Variants in PPM1K observed in about 807,000 individuals in gnomAD.
PPM1K encodes the protein protein phosphatase, Mg2+/Mn2+ dependent 1K, also known as protein phosphatase Mn(2+)-dependent 1K.
A neutral mutation model predicts 32.6 loss-of-function variants in PPM1K; 19 were observed. The observed-to-expected ratio is 0.58, with a 90% CI of 0.41 to 0.86. The LOEUF (loss-of-function observed/expected upper bound fraction) is 0.86, where lower values mean the gene tolerates loss of function less well. PPM1K is among the 40% of genes least tolerant of loss of function. The pLI is 0.00. For synonymous variants in PPM1K, 159 were observed against 165.3 expected (o/e 0.96, Z 0.29); for missense variants, 362 against 461.2 (o/e 0.78, Z 1.97).
Position 88,278,927 on chromosome 4 carries a change from T to C in PPM1K, c.-59-285A>G. ...TTTAAATTCTATAAAAATTTAACAG[T>C]GTGCACATACACAGAACATGTATCT... On this transcript the variant is annotated intron_variant, in intron 1 of 6. Transcript: ENST00000608933. The surrounding 1 kb of genome is among the most constrained non-coding windows in gnomAD (Gnocchi z 4.2). 3.8e-6 allele frequency: 1 copy of C among 261,414 alleles called. No homozygotes were observed. The highest frequency in any genetic ancestry group is 4.9e-5 in the South Asian group (1 of 20,504). The allele number at this position is 261,414 out of a possible 1,614,324, so 16.2% of individuals were successfully genotyped here. A position where few individuals can be genotyped will look rare whatever the true frequency, so the allele number is the denominator to read the frequency against.
intron 5 of PPM1K, among the ~76,000 whole-genome samples, chr4:88,266,912 TTGGGTGCAGGTGGTGCTGGTTGAC>T (rs1296591834): frequency 3.7e-5 from 5 of 136,892 alleles, no homozygotes; most frequent in African/African-American, 1.4e-4. Context: ...GTGATGCTGA[TTGGGTGCAGGTGGTGCTGGTTGAC>T]TGGGTGCAGG....
chr4:88,273,614 G>C (rs139152498), intron 3 of PPM1K, among the ~76,000 whole-genome samples: 2,114 of 151,878 alleles, frequency 0.014, 24 homozygotes, highest in Non-Finnish European at 0.022. Context: ...CTGGGAGGTG[G>C]AGGTTGCAGT....
chr4:88,280,373 C>T (rs1297606411), intron 1 of PPM1K, among the ~76,000 whole-genome samples: 1 of 152,206 alleles, frequency 6.6e-6, no homozygotes, highest in Non-Finnish European at 1.5e-5. Context: ...GGCCTTTTGG[C>T]CAAGATCCTG....
At chr4:88,263,276 A>G (rs1157402132) in intron 6 of PPM1K, among the ~76,000 whole-genome samples, 1 of 152,240 alleles carries the variant, frequency 6.6e-6, no homozygotes, top group East Asian at 1.9e-4. Flanking sequence ...TCTACACTAA[A>G]ATTTGATTTT....
intron 3 of PPM1K, among the ~76,000 whole-genome samples, chr4:88,273,452 G>A (rs1044631802): frequency 1.2e-4 from 19 of 152,154 alleles, no homozygotes; most frequent in Admixed American, 6.5e-4. Flanking sequence ...AGGCCAAGGC[G>A]GACAGATCAC....
At chr4:88,266,548 T>A (rs1731312817) in intron 5 of PPM1K, among the ~76,000 whole-genome samples, 1 of 149,844 alleles carries the variant, frequency 6.7e-6, no homozygotes, top group African/African-American at 2.5e-5. Context: ...GCTGATTGAC[T>A]GCGTGCAGGT....
chr4:88,277,278 C>A, intron 2 of PPM1K, 35 bp from the exon 3 acceptor site: 1 of 1,403,542 alleles, frequency 7.1e-7, no homozygotes, highest in East Asian at 2.3e-5. Flanking sequence ...CTTAAACAAT[C>A]ATTTTACAAT....
In PPM1K at chr4:88,278,658, T is replaced by G; in HGVS notation, c.-59-16A>C. On this transcript the variant is annotated splice_polypyrimidine_tract_variant and intron_variant, in intron 1 of 6. Coordinates refer to ENST00000608933, the MANE Select transcript of PPM1K (RefSeq NM_152542.5). The surrounding 1 kb of genome is among the most constrained non-coding windows in gnomAD (Gnocchi z 4.2). ...AATGGAATGTCTTCAAGAAAAATGA[T>G]GCAAGTCACAGGGGACAGAGGGAGA... 1.6e-6 allele frequency: 2 copies of G among 1,242,698 alleles called. No individual in the cohort carries two copies. Among genetic ancestry groups the G allele is most frequent in the Non-Finnish European group, 2.2e-6 (2 of 891,554 alleles). 77.0% of individuals were successfully genotyped at this position (1,242,698 alleles called of 1,614,324 possible).
rs1304225514 is a variant in PPM1K at position 88,259,775 on chromosome 4, G to A, written c.*2820C>T. On this transcript the variant is annotated 3_prime_UTR_variant, in exon 7 of 7. Transcript: ENST00000608933. ...TAAAAGCTTTCCCGGATAAAGCAGA[G>A]TCAAGTCTACCCTATATCCCCATCC... 1 of 152,152 alleles carries A rather than the reference G, an allele frequency of 6.6e-6. No homozygotes were observed. Among genetic ancestry groups the A allele is most frequent in the African/African-American group, 2.4e-5 (1 of 41,418 alleles). The allele number at this position is 152,152 out of a possible 1,614,324, so 9.4% of individuals were successfully genotyped here.
At chr4:88,266,886 T>C (rs1485748379) in intron 5 of PPM1K, among the ~76,000 whole-genome samples, 1 of 140,838 alleles carries the variant, frequency 7.1e-6, no homozygotes, top group Non-Finnish European at 1.5e-5. Flanking sequence ...GTGCAGGTGA[T>C]GCTGGCTGTG....
intron 1 of PPM1K, among the ~76,000 whole-genome samples, chr4:88,280,890 T>C (rs1731980875): frequency 6.6e-6 from 1 of 152,186 alleles, no homozygotes; most frequent in African/African-American, 2.4e-5. Context: ...AAATAACACA[T>C]TCCATTGCAA....
intron 4 of PPM1K, among the ~76,000 whole-genome samples, 160 bp downstream of exon 4, chr4:88,268,581 A>T (rs1170377678): frequency 6.6e-6 from 1 of 152,182 alleles, no homozygotes; most frequent in Non-Finnish European, 1.5e-5. Flanking sequence ...AGATTGCGCC[A>T]CTGCACTCCA....
intron 3 of PPM1K, among the ~76,000 whole-genome samples, chr4:88,272,305 C>T (rs1044356283): frequency 2.6e-5 from 4 of 151,938 alleles, no homozygotes; most frequent in African/African-American, 4.8e-5. Flanking sequence ...AGCCCTGGTT[C>T]TTTTGTAGTT....
At chr4:88,273,428 C>G (rs1164153804) in intron 3 of PPM1K, among the ~76,000 whole-genome samples, 1 of 152,200 alleles carries the variant, frequency 6.6e-6, no homozygotes, top group Non-Finnish European at 1.5e-5. Context: ...CGCCTGTAAT[C>G]CCAGCACTTT....
Position 88,278,274 on chromosome 4 carries a change from G to A in PPM1K, c.310C>T (p.Arg104Trp), listed in dbSNP as rs549825065. The change falls in exon 2 of 7, where the codon CGG becomes TGG. Residue 104 changes from arginine (R) to tryptophan (W), a missense_variant. Transcript: ENST00000608933. This position sits in a 1 kb window ranked among gnomAD's most constrained non-coding sequence, Gnocchi z 4.2. ...TCAAACCGATCTTCATTCTCTTTCC[G>A]TTTGCCAATCTGTGAGGCGCACCCC... is the stretch of plus-strand genomic sequence containing the variant. ...NVGCASQIGK[R>W]KENEDRFDFA... The A allele has an allele frequency of 1.2e-5, 20 of 1,614,094 alleles. No individual in the cohort carries two copies. The highest frequency in any genetic ancestry group is 1.3e-5 in the African/African-American group (1 of 75,012).
rs1235036686 is a variant in PPM1K at position 88,278,336 on chromosome 4, T to C, written c.248A>G (p.Tyr83Cys). 1 of 1,614,196 alleles carries C rather than the reference T, an allele frequency of 6.2e-7. No homozygotes were observed. Among genetic ancestry groups the C allele is most frequent in the Admixed American group, 1.7e-5 (1 of 60,022 alleles). Residue 83 changes from tyrosine (Y) to cysteine (C), a missense_variant, in exon 2 of 7, where the codon TAT becomes TGT. By Grantham distance (194) the Tyr-to-Cys change is radical. Transcript: ENST00000608933. The surrounding 1 kb of genome is among the most constrained non-coding windows in gnomAD (Gnocchi z 4.2). ...GCTGATTTTGGGAATTGGCTTGCCA[T>C]ACTTAATGCTGGGTGGCAGCAGAAT... ...EPILLPPSIK[Y>C]GKPIPKISLE...
At chr4:88,274,129 T>C (rs1731671344) in intron 3 of PPM1K, among the ~76,000 whole-genome samples, 1 of 152,196 alleles carries the variant, frequency 6.6e-6, no homozygotes, top group Non-Finnish European at 1.5e-5. Flanking sequence ...TATGAGACAA[T>C]GAAACTCAAG....
At chr4:88,265,576 G>GTATA (rs1414974944) in intron 5 of PPM1K, among the ~76,000 whole-genome samples, 1 of 152,300 alleles carries the variant, frequency 6.6e-6, no homozygotes, top group Non-Finnish European at 1.5e-5. Context: ...CCAGTCTCAA[G>GTATA]TATATCTTTA....
At chr4:88,266,453 GGCTGATTGGGTGCAGGTGAT>G (rs1447467646) in intron 5 of PPM1K, among the ~76,000 whole-genome samples, 7 of 149,724 alleles carry the variant, frequency 4.7e-5, no homozygotes, top group Admixed American at 2.7e-4. Context: ...AGGTGTTGCT[GGCTGATTGGGTGCAGGTGAT>G]GCTGATTGGG....
Sources: allele counts gnomAD v4.1 joint callset (sites outside exome capture counted in the v4.1 genomes callset), GRCh38; gene constraint gnomAD v4.1.1; non-coding constraint Gnocchi (gnomAD v3.1); transcripts MANE v1.5; gene names NCBI Gene and HGNC (gene_info 2026-07-23, HGNC 2026-07-21).